GADL1: variants seen among roughly 807,000 people sequenced by gnomAD.
GADL1 encodes GAD like acidic amino acid decarboxylase 1.
GADL1 carries 71 observed loss-of-function variants against 69.5 expected under a neutral mutation model. The ratio of observed to expected loss-of-function variants is 1.02; its 90% CI spans 0.84 to 1.25. The LOEUF (loss-of-function observed/expected upper bound fraction) is 1.25, where lower values mean the gene tolerates loss of function less well. GADL1 is among the 50% of genes most tolerant of loss of function. GADL1 has a pLI of 0.00. For synonymous variants in GADL1, 254 were observed against 214.4 expected (o/e 1.18, Z -1.62); for missense variants, 737 against 631.8 (o/e 1.17, Z -1.79).
At chr3:30,752,361 T>C (rs1695843679) in intron 14 of GADL1, among the ~76,000 whole-genome samples, 2 of 151,612 alleles carry the variant, frequency 1.3e-5, no homozygotes, top group South Asian at 2.1e-4. Context: ...TTAAGCACAA[T>C]CTATTTAAGT....
chr3:30,859,137 ACGGAGGGAGGGAATATAGATAATCTC>A (rs1211439293), intron 2 of GADL1, among the ~76,000 whole-genome samples: 1 of 151,894 alleles, frequency 6.6e-6, no homozygotes, highest in Non-Finnish European at 1.5e-5. Context: ...AGGTGAAGAA[ACGGAGGGAGGGAATATAGATAATCTC>A]TAAAAATTTT....
intron 14 of GADL1, among the ~76,000 whole-genome samples, chr3:30,752,525 C>T (rs1209192811): frequency 6.6e-6 from 1 of 152,182 alleles, no homozygotes; most frequent in Non-Finnish European, 1.5e-5. Flanking sequence ...CTGTGGGACA[C>T]TGTTTGCTTC....
At chr3:30,795,920 A>G (rs765431951) in intron 12 of GADL1, among the ~76,000 whole-genome samples, 1 of 152,194 alleles carries the variant, frequency 6.6e-6, no homozygotes, top group Non-Finnish European at 1.5e-5. Flanking sequence ...ATACTTAAAC[A>G]TAGGTCACAG....
chr3:30,762,594 TCAAG>T (rs1696164742), intron 14 of GADL1, among the ~76,000 whole-genome samples: 2 of 152,312 alleles, frequency 1.3e-5, no homozygotes, highest in East Asian at 1.9e-4. Flanking sequence ...ATACATTCCC[TCAAG>T]CATTTATCTA....
chr3:30,864,251 AT>A (rs57172592), intron 1 of GADL1, among the ~76,000 whole-genome samples: 25,978 of 147,636 alleles, frequency 0.18, 2,265 homozygotes, highest in African/African-American at 0.22. Context: ...AAAAGTTAAG[AT>A]TTTTTTTTTT....
chr3:30,839,212 T>G (rs927631933), intron 8 of GADL1, 99 bp from the exon 9 acceptor site: 13 of 704,080 alleles, frequency 1.8e-5, no homozygotes, highest in Non-Finnish European at 2.2e-5. Context: ...CAGAGAGTTA[T>G]TTGGGTTTTT....
chr3:30,786,155 G>A (rs769200918), intron 13 of GADL1, among the ~76,000 whole-genome samples, 200 bp downstream of exon 13: 1 of 152,030 alleles, frequency 6.6e-6, no homozygotes, highest in Non-Finnish European at 1.5e-5. Context: ...AATACTTAAA[G>A]GCAAGTATAT....
At chr3:30,764,557 G>C (rs1490046691) in intron 14 of GADL1, among the ~76,000 whole-genome samples, 1 of 152,120 alleles carries the variant, frequency 6.6e-6, no homozygotes, top group Non-Finnish European at 1.5e-5. Flanking sequence ...CCCTTGCTGA[G>C]CATTTTATTA....
At chr3:30,762,474 TAAA>T (rs1182669542) in intron 14 of GADL1, among the ~76,000 whole-genome samples, 2 of 152,200 alleles carry the variant, frequency 1.3e-5, no homozygotes, top group Admixed American at 6.5e-5. Flanking sequence ...ATTTTTATAA[TAAA>T]CTTTTAACTT....
chr3:30,795,244 T>A (rs939747257), intron 12 of GADL1, among the ~76,000 whole-genome samples: 2 of 152,176 alleles, frequency 1.3e-5, no homozygotes, highest in East Asian at 3.8e-4. Context: ...GTGGGCTTCA[T>A]GGGAAATATC....
At chr3:30,741,377 A>G (rs933952596) in intron 14 of GADL1, among the ~76,000 whole-genome samples, 1 of 151,898 alleles carries the variant, frequency 6.6e-6, no homozygotes, top group Non-Finnish European at 1.5e-5. Context: ...ACATCCCCAC[A>G]TTTAACCAGT....
intron 11 of GADL1, among the ~76,000 whole-genome samples, chr3:30,820,683 A>G (rs1288421511): frequency 6.6e-6 from 1 of 152,184 alleles, no homozygotes; most frequent in African/African-American, 2.4e-5. Context: ...CAGGTGCTAG[A>G]GAGGATGTGA....
intron 11 of GADL1, among the ~76,000 whole-genome samples, chr3:30,832,009 C>T (rs577423621): frequency 7.2e-5 from 11 of 151,994 alleles, no homozygotes; most frequent in Non-Finnish European, 1.0e-4. Flanking sequence ...AGCCTAGACT[C>T]GCACAGTGTC....
At chr3:30,853,548 A>G (rs1575235376) in intron 4 of GADL1, among the ~76,000 whole-genome samples, 1 of 152,286 alleles carries the variant, frequency 6.6e-6, no homozygotes, top group East Asian at 1.9e-4. Context: ...AGTCACTGCA[A>G]ACTCAAATGC....
chr3:30,802,498 C>T (rs999273592), intron 11 of GADL1, among the ~76,000 whole-genome samples: 3 of 152,178 alleles, frequency 2.0e-5, no homozygotes, highest in African/African-American at 7.2e-5. Flanking sequence ...AAAAAAGCTT[C>T]TCAGTAGACA....
At chr3:30,739,307 A>G (rs1037439504) in intron 14 of GADL1, among the ~76,000 whole-genome samples, 1 of 152,044 alleles carries the variant, frequency 6.6e-6, no homozygotes, top group East Asian at 1.9e-4. Flanking sequence ...AGATTCCTGT[A>G]TTCGCCATCC....
At chr3:30,894,412 G>A (rs11921654) in intron 1 of GADL1, among the ~76,000 whole-genome samples, 166 bp downstream of exon 1, 18,850 of 152,244 alleles carry the variant, frequency 0.12, 1,422 homozygotes, top group South Asian at 0.18. Context: ...TAACCTTTTA[G>A]GTACGGAAAA....
In GADL1 at chr3:30,861,739, G is replaced by A. The variant is rs750092669; in HGVS notation, c.64C>T (p.Pro22Ser). ...ACAAGAACAGCATTCTTCTTACTTG[G>A]AATCATCTCTTGTTGATCAATATCT... is the stretch of plus-strand genomic sequence containing the variant. ...DGDIDQQEMI[P>S]SKKNAVLVDG... Residue 22 changes from proline (P) to serine (S), a missense_variant, in exon 2 of 15, where the codon CCA becomes TCA. Coordinates refer to ENST00000282538, the MANE Select transcript of GADL1 (RefSeq NM_207359.3). 3 of 1,546,940 alleles carry A rather than the reference G, an allele frequency of 1.9e-6. No individual in the cohort carries two copies. In the South Asian group the frequency reaches 3.6e-5, roughly 19 times the overall value.
intron 1 of GADL1, among the ~76,000 whole-genome samples, chr3:30,869,499 T>C (rs77965958): frequency 0.011 from 1,685 of 151,952 alleles, 54 homozygotes; most frequent in African/African-American, 0.039. Flanking sequence ...AGCCCTGTGA[T>C]TTGATAGAAT....
Sources: gnomAD v4.1 joint callset for allele counts (sites outside exome capture counted in the v4.1 genomes callset) on GRCh38, gnomAD v4.1.1 for gene constraint, MANE v1.5 for transcripts, NCBI Gene and HGNC (gene_info 2026-07-23, HGNC 2026-07-21) for gene names.